The following CDH13 variants were observed in gnomAD, a reference collection of about 807,000 sequenced individuals.
CDH13 encodes cadherin 13.
CDH13 carries 24 observed loss-of-function variants against 63.8 expected under a neutral mutation model. The observed-to-expected ratio is 0.38, with a 90% CI of 0.27 to 0.53. The LOEUF (loss-of-function observed/expected upper bound fraction) is 0.53, where lower values mean the gene tolerates loss of function less well. CDH13 is among the 20% of genes least tolerant of loss of function. The pLI, the probability that CDH13 is intolerant of heterozygous loss-of-function variation, is 0.85. For synonymous variants in CDH13, 503 were observed against 355.3 expected, an observed-to-expected ratio of 1.42 and a Z score of -4.67; for missense variants, 1,049 against 903.1, an observed-to-expected ratio of 1.16 and a Z score of -2.07.
chr16:83,150,266 G>A (rs2036920148), intron 4 of CDH13, among the ~76,000 whole-genome samples: 1 of 152,116 alleles, frequency 6.6e-6, no homozygotes. Flanking sequence ...TAAGCAAACA[G>A]AAGAAAAGTA....
At chr16:83,768,879 C>G (rs570096942) in intron 11 of CDH13, among the ~76,000 whole-genome samples, 1 of 152,242 alleles carries the variant, frequency 6.6e-6, no homozygotes, top group South Asian at 2.1e-4. Context: ...TCTTTATAAC[C>G]TATATCTTGT....
At chr16:83,150,764 C>G (rs534329749) in intron 4 of CDH13, among the ~76,000 whole-genome samples, 11 of 152,294 alleles carry the variant, frequency 7.2e-5, no homozygotes, top group African/African-American at 2.2e-4. Context: ...CAAAACAGGA[C>G]AGATGCTTGA....
At chr16:82,853,837 A>G (rs1323590995) in intron 1 of CDH13, among the ~76,000 whole-genome samples, 3 of 152,198 alleles carry the variant, frequency 2.0e-5, no homozygotes, top group South Asian at 4.1e-4. Flanking sequence ...TAAATTTGGA[A>G]TGATGCTCAG....
chr16:83,508,207 A>G (rs1010994873), intron 7 of CDH13: 3 of 152,410 alleles, frequency 2.0e-5, no homozygotes, highest in African/African-American at 7.3e-5. Flanking sequence ...AATACATTTA[A>G]TAAATGTGGA....
intron 6 of CDH13, among the ~76,000 whole-genome samples, chr16:83,420,793 T>C (rs1270808863): frequency 6.6e-6 from 1 of 152,142 alleles, no homozygotes; most frequent in East Asian, 1.9e-4. Flanking sequence ...CAACCTTCAG[T>C]CTGTGGCCAA....
chr16:83,006,839 C>A (rs1597395069), intron 2 of CDH13, among the ~76,000 whole-genome samples: 1 of 152,134 alleles, frequency 6.6e-6, no homozygotes, highest in East Asian at 1.9e-4. Context: ...AAGTAAGGAA[C>A]AATGTAATTT....
At chr16:83,248,262 G>A (rs1029590685) in intron 5 of CDH13, among the ~76,000 whole-genome samples, 11 of 152,142 alleles carry the variant, frequency 7.2e-5, no homozygotes, top group African/African-American at 1.9e-4. Flanking sequence ...ATGAGCTCAC[G>A]CGTGGGTGAG....
At chr16:83,150,113 C>G (rs1056234385) in intron 4 of CDH13, among the ~76,000 whole-genome samples, 21 of 152,104 alleles carry the variant, frequency 1.4e-4, no homozygotes, top group African/African-American at 4.6e-4. Flanking sequence ...TCTCTGTTTA[C>G]TTCACCCTGA....
At chr16:82,801,879 T>C (rs1483880912) in intron 1 of CDH13, among the ~76,000 whole-genome samples, 1 of 152,220 alleles carries the variant, frequency 6.6e-6, no homozygotes, top group East Asian at 1.9e-4. Flanking sequence ...CAAACACTCA[T>C]TATGACAAAA....
At chr16:83,251,570 C>G (rs1265297831) in intron 5 of CDH13, among the ~76,000 whole-genome samples, 3 of 152,204 alleles carry the variant, frequency 2.0e-5, no homozygotes, top group Non-Finnish European at 4.4e-5. Flanking sequence ...CTGGAGGTGA[C>G]TGAATCCTGA....
chr16:83,779,518 C>A (rs1915371331), intron 11 of CDH13, among the ~76,000 whole-genome samples: 1 of 142,942 alleles, frequency 7.0e-6, no homozygotes, highest in African/African-American at 2.6e-5. Flanking sequence ...TTGTTTGCAA[C>A]TATTAATAAC....
At chr16:83,347,854 A>C (rs759819278) in intron 6 of CDH13, among the ~76,000 whole-genome samples, 1 of 152,174 alleles carries the variant, frequency 6.6e-6, no homozygotes, top group Non-Finnish European at 1.5e-5. Flanking sequence ...GGGTCTGTCT[A>C]CAATAGCCCG....
intron 1 of CDH13, among the ~76,000 whole-genome samples, chr16:82,783,698 A>G (rs1377293196): frequency 1.3e-5 from 2 of 152,190 alleles, no homozygotes; most frequent in Non-Finnish European, 2.9e-5. Context: ...TCGGCTACAT[A>G]TGTATTGCTT....
At chr16:83,678,142 G>A in intron 9 of CDH13, 66 bp from the exon 10 acceptor site, 1 of 1,540,388 alleles carries the variant, frequency 6.5e-7, no homozygotes, top group Non-Finnish European at 8.8e-7. Flanking sequence ...TTCAGAGGAA[G>A]TTGATGCAAA....
chr16:83,185,718 G>A (rs1038841473), intron 4 of CDH13, among the ~76,000 whole-genome samples: 10 of 152,200 alleles, frequency 6.6e-5, no homozygotes, highest in Admixed American at 6.5e-4. Context: ...AACGAGAACA[G>A]GAGTGATCTA....
chr16:83,665,986 G>A (rs968407825), intron 8 of CDH13, among the ~76,000 whole-genome samples: 2 of 152,196 alleles, frequency 1.3e-5, no homozygotes, highest in African/African-American at 2.4e-5. Flanking sequence ...TGAATTTGGA[G>A]GGAAGAGATC....
Position 83,257,940 on chromosome 16 carries a change from G to A in CDH13, c.636+40443G>A, listed in dbSNP as rs1427605334. 2.0e-5 allele frequency among the ~76,000 whole-genome samples: 3 copies of A among 152,004 alleles called. No homozygotes were observed. In the South Asian group the frequency reaches 6.2e-4, roughly 32 times the overall value. On this transcript the variant is annotated intron_variant, in intron 5 of 13. Transcript: ENST00000567109. ...ACCTCACCAGCATCTGTTATTTTTT[G>A]ACTTTTTAATATTAGTCATTCTAAC...
At chr16:82,744,536 G>A (rs1465080337) in intron 1 of CDH13, among the ~76,000 whole-genome samples, 1 of 151,962 alleles carries the variant, frequency 6.6e-6, no homozygotes, top group Non-Finnish European at 1.5e-5. Context: ...ATAAATCTCT[G>A]GGCTGGCTTC....
intron 3 of CDH13, among the ~76,000 whole-genome samples, chr16:83,087,023 G>A (rs555821616): frequency 2.3e-4 from 35 of 152,230 alleles, no homozygotes; most frequent in African/African-American, 7.5e-4. Flanking sequence ...TGGCTTTGGC[G>A]GACTAAGGCT....
Sources: gnomAD v4.1 joint callset for allele counts (sites outside exome capture counted in the v4.1 genomes callset) on GRCh38, gnomAD v4.1.1 for gene constraint, MANE v1.5 for transcripts, NCBI Gene and HGNC (gene_info 2026-07-23, HGNC 2026-07-21) for gene names.